The following SEPTIN10 variants were observed in gnomAD, a reference collection of about 807,000 sequenced individuals.
SEPTIN10 encodes the protein septin 10, also known as septin-10.
A neutral mutation model predicts 54.8 loss-of-function variants in SEPTIN10; 66 were observed. The ratio of observed to expected loss-of-function variants is 1.21; its 90% CI spans 0.99 to 1.48. The LOEUF (loss-of-function observed/expected upper bound fraction) is 1.48. SEPTIN10 is among the 40% of genes most tolerant of loss of function. SEPTIN10 has a pLI of 0.00. For missense variants in SEPTIN10, 620 were observed against 545.6 expected (o/e 1.14, Z -1.36); for synonymous variants, 161 against 181.0 (o/e 0.89, Z 0.89).
chr2:109,612,897 G>A (rs1699560080), intron 1 of SEPTIN10, among the ~76,000 whole-genome samples: 1 of 152,214 alleles, frequency 6.6e-6, no homozygotes, highest in Non-Finnish European at 1.5e-5. Context: ...TAATCTCTCA[G>A]CCTGCAATCT....
At chr2:109,553,746 C>T (rs1201555350) in intron 8 of SEPTIN10, among the ~76,000 whole-genome samples, 2 of 148,178 alleles carry the variant, frequency 1.3e-5, no homozygotes, top group Non-Finnish European at 3.0e-5. Flanking sequence ...CCCAGCTACA[C>T]GGGAGGCTGA....
At chr2:109,593,409 CTTT>C (rs766138431) in intron 1 of SEPTIN10, among the ~76,000 whole-genome samples, 1 of 133,798 alleles carries the variant, frequency 7.5e-6, no homozygotes. Flanking sequence ...AGAGAAAGAA[CTTT>C]TTTTTTTTTT....
At chr2:109,612,840 C>A (rs1699548365) in intron 1 of SEPTIN10, among the ~76,000 whole-genome samples, 1 of 152,090 alleles carries the variant, frequency 6.6e-6, no homozygotes, top group Non-Finnish European at 1.5e-5. Context: ...AAATCTTTGT[C>A]CAGGTTCTAT....
At chr2:109,548,417 G>T (rs1681890827) in intron 9 of SEPTIN10, among the ~76,000 whole-genome samples, 1 of 152,168 alleles carries the variant, frequency 6.6e-6, no homozygotes, top group Admixed American at 6.5e-5. Flanking sequence ...TGGGCGTGAT[G>T]GCTCATTGAG....
chr2:109,546,592 T>C (rs1406368880), intron 9 of SEPTIN10, among the ~76,000 whole-genome samples: 1 of 151,958 alleles, frequency 6.6e-6, no homozygotes, highest in African/African-American at 2.4e-5. Flanking sequence ...ATGCAAAGTA[T>C]AGAAAGAAAT....
intron 5 of SEPTIN10, among the ~76,000 whole-genome samples, chr2:109,572,609 CTTTTTTTTTTTTTT>C (rs60520770): frequency 9.0e-6 from 1 of 111,202 alleles, no homozygotes; most frequent in Non-Finnish European, 1.7e-5. Flanking sequence ...TTTAAAACAA[CTTTTTTTTTTTTTT>C]TTTTTTTTTT....
rs1687397644 is a variant in SEPTIN10 at position 109,567,849 on chromosome 2, T to A, written c.728A>T (p.Asp243Val). 1.2e-6 allele frequency: 2 copies of A among 1,611,708 alleles called. No individual in the cohort carries two copies. Among genetic ancestry groups the A allele is most frequent in the Non-Finnish European group, 1.7e-6 (2 of 1,179,266 alleles). ...AGCGTTGACCTTAGCAATAGTGTCATCATCCGTTGGGAACTGGTATATCTG... is the reference window on the plus strand; with the variant it reads ...AGCGTTGACCTTAGCAATAGTGTCAACATCCGTTGGGAACTGGTATATCTG... ...GVQIYQFPTDDDTIAKVNAAM... is the reference protein window; with the variant it reads ...GVQIYQFPTDVDTIAKVNAAM... Residue 243 changes from aspartate to valine, a missense_variant, in exon 6 of 11, where the codon GAT becomes GTT. Physicochemically the swap from Asp to Val is radical, Grantham distance 152. Transcript: ENST00000397712.
intron 1 of SEPTIN10, among the ~76,000 whole-genome samples, chr2:109,600,231 T>G (rs1696319253): frequency 6.6e-6 from 1 of 152,130 alleles, no homozygotes; most frequent in Non-Finnish European, 1.5e-5. Flanking sequence ...TATTAAGATC[T>G]GGATCAGGGC....
At chr2:109,571,109 T>C (rs1688271943) in intron 5 of SEPTIN10, among the ~76,000 whole-genome samples, 1 of 152,134 alleles carries the variant, frequency 6.6e-6, no homozygotes, top group Non-Finnish European at 1.5e-5. Context: ...TCCTCCTCCT[T>C]CTCAGGTCAT....
intron 5 of SEPTIN10, among the ~76,000 whole-genome samples, chr2:109,571,770 A>G (rs374074478): frequency 5.3e-5 from 8 of 152,178 alleles, no homozygotes; most frequent in East Asian, 1.9e-4. Context: ...ACTAGTTGTT[A>G]TAAGAGTTTG....
At chr2:109,572,142 G>GT (rs1688541492) in intron 5 of SEPTIN10, among the ~76,000 whole-genome samples, 1 of 150,538 alleles carries the variant, frequency 6.6e-6, no homozygotes, top group South Asian at 2.1e-4. Context: ...CTTTTTTTTT[G>GT]TTTTTTGAGA....
At position 109,592,419 on chromosome 2, in the gene SEPTIN10, T is replaced by C. The variant is rs181783870; in HGVS notation, c.99+632A>G. 5.6e-3 allele frequency among the ~76,000 whole-genome samples: 815 copies of C among 145,554 alleles called. 3 individuals are homozygous for C. Among genetic ancestry groups the C allele is most frequent in the Non-Finnish European group, 8.9e-3 (586 of 66,122 alleles). On this transcript the variant is annotated intron_variant, in intron 2 of 10. Transcript: ENST00000397712. ...GGCAGAGGTTGCAGTAAGCTGAGAT[T>C]GCACCATCGCATTCCAGCCTGGGCG... is the stretch of plus-strand genomic sequence containing the variant.
chr2:109,565,482 T>C (rs572337444), intron 7 of SEPTIN10, among the ~76,000 whole-genome samples: 9 of 152,356 alleles, frequency 5.9e-5, no homozygotes, highest in African/African-American at 2.2e-4. Context: ...TGATGTTTTA[T>C]GTCTGAACAC....
intron 9 of SEPTIN10, among the ~76,000 whole-genome samples, chr2:109,548,196 G>A (rs539486610): frequency 1.3e-5 from 2 of 152,114 alleles, no homozygotes; most frequent in African/African-American, 4.8e-5. Context: ...AAAAAACTAG[G>A]GTCTTAAGCC....
At chr2:109,560,990 T>G (rs908706311) in intron 8 of SEPTIN10, among the ~76,000 whole-genome samples, 1 of 152,168 alleles carries the variant, frequency 6.6e-6, no homozygotes, top group African/African-American at 2.4e-5. Flanking sequence ...GAACACCCCT[T>G]CAATACCTCC....
intron 4 of SEPTIN10, among the ~76,000 whole-genome samples, chr2:109,577,651 G>A (rs1690012920): frequency 6.7e-6 from 1 of 150,104 alleles, no homozygotes; most frequent in African/African-American, 2.4e-5. Flanking sequence ...AGTGGCTCAC[G>A]CCTGCAATCC....
chr2:109,589,418 G>A (rs1263104360), intron 2 of SEPTIN10, among the ~76,000 whole-genome samples: 1 of 152,110 alleles, frequency 6.6e-6, no homozygotes, highest in Non-Finnish European at 1.5e-5. Flanking sequence ...TGTAGTCCCA[G>A]CTACTCCGGA....
At chr2:109,548,085 A>C (rs1302104077) in intron 9 of SEPTIN10, among the ~76,000 whole-genome samples, 2 of 152,162 alleles carry the variant, frequency 1.3e-5, no homozygotes, top group Non-Finnish European at 2.9e-5. Context: ...GAGAGGAAAT[A>C]CAGATGAAAG....
intron 6 of SEPTIN10, among the ~76,000 whole-genome samples, chr2:109,566,114 TTTA>T (rs1004050351): frequency 4.4e-4 from 67 of 151,834 alleles, no homozygotes; most frequent in African/African-American, 1.6e-3. Context: ...ACAAAAAAAA[TTTA>T]TTTATTTATT....
Sources: gnomAD v4.1 joint callset for allele counts (sites outside exome capture counted in the v4.1 genomes callset) on GRCh38, gnomAD v4.1.1 for gene constraint, MANE v1.5 for transcripts, NCBI Gene and HGNC (gene_info 2026-07-23, HGNC 2026-07-21) for gene names.